DYM: variants seen among roughly 807,000 people sequenced by gnomAD.
The protein encoded by DYM is dyggve-Melchior-Clausen syndrome protein.
DYM carries 78 observed loss-of-function variants against 93.1 expected under a neutral mutation model. The observed-to-expected ratio is 0.84, with a 90% CI of 0.70 to 1.01. The LOEUF is 1.01. Among genes scored for constraint, DYM ranks in the 50% least tolerant of loss-of-function variants. The probability of loss-of-function intolerance (pLI) is 0.00; values close to 1 mark genes in which losing one functional copy is unlikely to be tolerated. For synonymous variants in DYM, 321 were observed against 319.7 expected, an observed-to-expected ratio of 1.00 and a Z score of -0.04; for missense variants, 789 against 845.0, an observed-to-expected ratio of 0.93 and a Z score of 0.82.
At chr18:49,203,890 A>AC (rs1334646270) in intron 14 of DYM, among the ~76,000 whole-genome samples, 9 of 142,200 alleles carry the variant, frequency 6.3e-5, no homozygotes, top group Non-Finnish European at 1.4e-4. Context: ...AAAAAAAAAA[A>AC]AAAAAAAACA....
At chr18:49,385,885 G>GA (rs971322178) in intron 3 of DYM, among the ~76,000 whole-genome samples, 4 of 149,848 alleles carry the variant, frequency 2.7e-5, no homozygotes, top group African/African-American at 4.9e-5. Context: ...CTTAAAAAAA[G>GA]AAAAAAAAAG....
At chr18:49,246,120 C>T (rs916398002) in intron 13 of DYM, among the ~76,000 whole-genome samples, 4 of 152,162 alleles carry the variant, frequency 2.6e-5, no homozygotes, top group Non-Finnish European at 2.9e-5. Context: ...TGTAAATGCT[C>T]GGAAAACTCA....
chr18:49,306,680 C>G (rs978720485), intron 8 of DYM, among the ~76,000 whole-genome samples: 3 of 152,174 alleles, frequency 2.0e-5, no homozygotes, highest in African/African-American at 7.2e-5. Flanking sequence ...CATGTGGTAA[C>G]AGGCTTCTAA....
At chr18:49,263,977 C>T (rs1208516702) in intron 11 of DYM, among the ~76,000 whole-genome samples, 1 of 152,104 alleles carries the variant, frequency 6.6e-6, no homozygotes, top group African/African-American at 2.4e-5. Flanking sequence ...ACCACTGTAT[C>T]CATCACCTAG....
At chr18:49,146,108 T>C (rs2085106486) in intron 15 of DYM, among the ~76,000 whole-genome samples, 1 of 152,178 alleles carries the variant, frequency 6.6e-6, no homozygotes, top group South Asian at 2.1e-4. Context: ...CCTAAATCCC[T>C]TTCTTTATAT....
chr18:49,163,229 C>T (rs914589629), intron 15 of DYM, among the ~76,000 whole-genome samples: 65 of 152,270 alleles, frequency 4.3e-4, no homozygotes, highest in African/African-American at 1.5e-3. Context: ...TGATTTGAGA[C>T]ATCATTCTTC....
intron 2 of DYM, among the ~76,000 whole-genome samples, chr18:49,398,035 C>G (rs2070326774): frequency 1.3e-5 from 2 of 152,146 alleles, no homozygotes; most frequent in South Asian, 4.1e-4. Context: ...ACACACAAAG[C>G]TAAGACTTAC....
intron 14 of DYM, among the ~76,000 whole-genome samples, chr18:49,198,441 G>C (rs560714289): frequency 6.6e-6 from 1 of 152,146 alleles, no homozygotes; most frequent in Non-Finnish European, 1.5e-5. Flanking sequence ...AGAGTGAACA[G>C]GCAACCTACA....
chr18:49,292,604 AAAAAAAAAAAAAAAAAAAAAACC>A (rs1181410133), intron 8 of DYM, among the ~76,000 whole-genome samples: 1 of 68,162 alleles, frequency 1.5e-5, no homozygotes, highest in Non-Finnish European at 2.9e-5. Flanking sequence ...AAAAAAAAAA[AAAAAAAAAAAAAAAAAAAAAACC>A]CCCACAAAAA....
chr18:49,192,095 ATTTTTTTTTTTTTTTT>A (rs55967928), intron 14 of DYM, among the ~76,000 whole-genome samples: 2 of 68,290 alleles, frequency 2.9e-5, no homozygotes, highest in African/African-American at 1.1e-4. Context: ...TGCCTGGCTA[ATTTTTTTTTTTTTTTT>A]TTTTTTTTTT....
chr18:49,225,276 A>C (rs2093489682), intron 13 of DYM, among the ~76,000 whole-genome samples: 1 of 152,174 alleles, frequency 6.6e-6, no homozygotes, highest in East Asian at 1.9e-4. Context: ...AAATAAGCAA[A>C]GGAAAATCTG....
At chr18:49,379,829 T>G in intron 3 of DYM, 71 bp from the exon 4 acceptor site, 1 of 1,245,560 alleles carries the variant, frequency 8.0e-7, no homozygotes, top group South Asian at 1.2e-5. Flanking sequence ...ATCATAACAT[T>G]TATAAAACCA....
chr18:49,097,285 C>T, intron 17 of DYM, 117 bp downstream of exon 17: 2 of 885,442 alleles, frequency 2.3e-6, no homozygotes, highest in Non-Finnish European at 3.7e-6. Flanking sequence ...TTCTGAGGAG[C>T]CCTTCTAGTC....
At chr18:49,393,158 AAGGAAG>A (rs2069596823) in intron 2 of DYM, among the ~76,000 whole-genome samples, 1 of 140,736 alleles carries the variant, frequency 7.1e-6, no homozygotes, top group African/African-American at 2.8e-5. Flanking sequence ...GGAAGGAAGG[AAGGAAG>A]GAAAAAAGAA....
chr18:49,249,526 A>G (rs138821160), intron 13 of DYM, among the ~76,000 whole-genome samples: 2,149 of 152,302 alleles, frequency 0.014, 23 homozygotes, highest in Non-Finnish European at 0.02. Flanking sequence ...AGTTACTATT[A>G]AAGAATTATT....
rs1163522881 is a variant in DYM at position 49,193,344 on chromosome 18, A to T, written c.1625+16207T>A. ...ATGCTTTCTCTAATATGTAGTCTTT[A>T]AAAAATTCTATACATCTAAAGATCA... On this transcript the variant is annotated intron_variant, in intron 14 of 17. Coordinates refer to ENST00000675505, the MANE Select transcript of DYM (RefSeq NM_001353214.3). 2.0e-5 allele frequency among the ~76,000 whole-genome samples: 3 copies of T among 152,320 alleles called. No individual in the cohort carries two copies. In the East Asian group the frequency reaches 5.8e-4, roughly 29 times the overall value.
rs1316986818 is a variant in DYM at position 49,097,508 on chromosome 18, G to A, written c.1919C>T (p.Ser640Phe). ...TTGCAGCAACCTTGAGCTAAAGAAGGAGATCACCTGTAATGTAAAGTGTTA... is the reference window on the plus strand; with the variant it reads ...TTGCAGCAACCTTGAGCTAAAGAAGAAGATCACCTGTAATGTAAAGTGTTA... The part of the protein sequence containing the change: ...DIMQNIDLVI[S>F]FFSSRLLQAG... Residue 640 changes from serine to phenylalanine, a missense_variant, in exon 17 of 18, where the codon TCC (serine) becomes TTC (phenylalanine). Coordinates refer to ENST00000675505, the MANE Select transcript of DYM (RefSeq NM_001353214.3). The A allele has an allele frequency of 1.2e-6, 2 of 1,613,688 alleles. No individual in the cohort carries two copies. The highest frequency in any genetic ancestry group is 1.7e-6 in the Non-Finnish European group (2 of 1,179,686).
At chr18:49,325,117 C>T (rs970536899) in intron 8 of DYM, among the ~76,000 whole-genome samples, 9 of 152,120 alleles carry the variant, frequency 5.9e-5, no homozygotes, top group Admixed American at 3.3e-4. Flanking sequence ...ATTTGAACCC[C>T]TAAGAGGCTC....
At chr18:49,120,624 G>A (rs910407716) in intron 15 of DYM, among the ~76,000 whole-genome samples, 7 of 152,154 alleles carry the variant, frequency 4.6e-5, no homozygotes, top group Admixed American at 3.9e-4. Flanking sequence ...ATCTGCGTTG[G>A]TTGAATCTGT....
Sources: allele counts gnomAD v4.1 joint callset (sites outside exome capture counted in the v4.1 genomes callset), GRCh38; gene constraint gnomAD v4.1.1; transcripts MANE v1.5; gene names NCBI Gene and HGNC (gene_info 2026-07-23, HGNC 2026-07-21).